Variants in NOX4 observed in about 807,000 individuals in gnomAD.
NOX4 encodes NADPH oxidase 4, also known as kidney oxidase-1.
Under a neutral mutation model 87.6 loss-of-function variants are expected in NOX4, and 69 were observed. The ratio of observed to expected loss-of-function variants is 0.79; its 90% confidence interval spans 0.65 to 0.96. NOX4 has a LOEUF of 0.96. Ranked by LOEUF, NOX4 falls within the 40% of genes least tolerant of loss-of-function variation. The pLI is 0.00. For synonymous variants in NOX4, 275 were observed against 238.2 expected (o/e 1.15, Z -1.42); for missense variants, 680 against 681.5 (o/e 1.00, Z 0.02).
the NOX4 span, among the ~76,000 whole-genome samples, chr11:89,532,828 T>C: frequency 6.6e-6 from 1 of 152,146 alleles, no homozygotes; most frequent in Non-Finnish European, 1.5e-5. Flanking sequence ...CATGACGTTC[T>C]CATGATACTG....
upstream of NOX4, among the ~76,000 whole-genome samples, chr11:89,495,348 CTTTGA>C (rs1356298170): frequency 1.3e-5 from 2 of 151,936 alleles, no homozygotes; most frequent in African/African-American, 4.8e-5. Flanking sequence ...TGCTGACATT[CTTTGA>C]TTTGTGGCTG....
At chr11:89,496,263 A>G (rs553635), upstream of NOX4, among the ~76,000 whole-genome samples, 131,863 of 152,172 alleles carry the variant, frequency 0.87, 57,481 homozygotes, top group Non-Finnish European at 0.92. Context: ...TTCTGAAGAC[A>G]TTGGAGAGGT....
intron 11 of NOX4, among the ~76,000 whole-genome samples, chr11:89,397,899 T>C (rs756348302): frequency 2.3e-4 from 35 of 151,998 alleles, no homozygotes; most frequent in Non-Finnish European, 4.0e-4. Flanking sequence ...AAAGAGGAGC[T>C]GGTACCATTC....
intron 11 of NOX4, among the ~76,000 whole-genome samples, chr11:89,393,661 C>G (rs1309087460): frequency 6.6e-6 from 1 of 152,086 alleles, no homozygotes; most frequent in African/African-American, 2.4e-5. Flanking sequence ...CAAGTATTGA[C>G]CACTAATGAT....
intron 17 of NOX4, 93 bp downstream of exon 17, chr11:89,335,752 T>C: frequency 1.7e-6 from 1 of 586,154 alleles, no homozygotes. Flanking sequence ...GGTAAACTCA[T>C]TGCCAATTCA....
Position 89,348,125 on chromosome 11 carries a change from C to A in NOX4, c.1218-5932G>T, listed in dbSNP as rs960679899. ...GGCCTGTGATAACAAAGTGATAAGA[C>A]CTATGTCTCTGGTCAGGTGTGGTGG... is the stretch of plus-strand genomic sequence containing the variant. On this transcript the variant is annotated intron_variant, in intron 13 of 17. Transcript: ENST00000263317. Among the ~76,000 whole-genome samples, 5 of 152,032 alleles carry A rather than the reference C, an allele frequency of 3.3e-5. No homozygotes were observed. The South Asian group carries it at 6.2e-4, about 19-fold the overall frequency.
the NOX4 span, among the ~76,000 whole-genome samples, chr11:89,528,699 G>A: frequency 1.3e-5 from 2 of 152,114 alleles, no homozygotes; most frequent in African/African-American, 4.8e-5. Context: ...AATTTCCTGA[G>A]GCCTCACCAG....
At chr11:89,426,706 G>C (rs1181464073) in intron 7 of NOX4, among the ~76,000 whole-genome samples, 2 of 152,102 alleles carry the variant, frequency 1.3e-5, no homozygotes, top group African/African-American at 4.8e-5. Flanking sequence ...AGCTTGAGTA[G>C]GTAAACAAAG....
Position 89,325,632 on chromosome 11 carries a change from G to C in NOX4, c.*1124C>G, listed in dbSNP as rs561572749. On this transcript the variant is annotated 3_prime_UTR_variant, in exon 18 of 18. Coordinates refer to ENST00000263317, the MANE Select transcript of NOX4 (RefSeq NM_016931.5). ...ATATCATATTTCCTCTTACTTAAAAGGTAAAATACAGGTTTTACTGTTCAG... is the reference window on the plus strand; with the variant it reads ...ATATCATATTTCCTCTTACTTAAAACGTAAAATACAGGTTTTACTGTTCAG... The C allele has an allele frequency of 6.6e-6, 1 of 151,796 alleles. No individual in the cohort carries two copies. Among genetic ancestry groups the C allele is most frequent in the African/African-American group, 2.4e-5 (1 of 41,322 alleles). 9.4% of individuals were successfully genotyped at this position (151,796 alleles called of 1,614,324 possible).
At chr11:89,438,684 T>C (rs1349040491) in intron 6 of NOX4, among the ~76,000 whole-genome samples, 1 of 79,636 alleles carries the variant, frequency 1.3e-5, no homozygotes, top group Non-Finnish European at 2.2e-5. Flanking sequence ...CTATATATAC[T>C]ATAAATAATA....
intron 12 of NOX4, among the ~76,000 whole-genome samples, chr11:89,362,144 A>G (rs910204029): frequency 2.6e-5 from 4 of 150,958 alleles, no homozygotes; most frequent in Admixed American, 2.0e-4. Flanking sequence ...TTGATCCCTA[A>G]TAAGCATTTT....
chr11:89,446,816 C>T (rs1239829960), intron 4 of NOX4, among the ~76,000 whole-genome samples: 1 of 152,134 alleles, frequency 6.6e-6, no homozygotes, highest in African/African-American at 2.4e-5. Context: ...CACATTTGTG[C>T]AAACCCATAG....
At chr11:89,553,776 A>C in the NOX4 span, among the ~76,000 whole-genome samples, 1 of 152,150 alleles carries the variant, frequency 6.6e-6, no homozygotes, top group Admixed American at 6.6e-5. Flanking sequence ...GTCTTCGAGT[A>C]AGAGGGCTTG....
chr11:89,332,052 AC>A (rs1298092186), intron 17 of NOX4, among the ~76,000 whole-genome samples: 1 of 151,854 alleles, frequency 6.6e-6, no homozygotes, highest in Non-Finnish European at 1.5e-5. Context: ...AGATTCGGGT[AC>A]TAAGAAAATG....
the NOX4 span, among the ~76,000 whole-genome samples, chr11:89,580,987 G>A: frequency 6.6e-6 from 1 of 152,186 alleles, no homozygotes; most frequent in South Asian, 2.1e-4. Context: ...TTGAAAAATG[G>A]AGAGGAAAAG....
the NOX4 span, among the ~76,000 whole-genome samples, chr11:89,563,317 A>G: frequency 6.6e-6 from 1 of 152,178 alleles, no homozygotes; most frequent in Non-Finnish European, 1.5e-5. Context: ...TTAAATTACC[A>G]GAAATTTCCA....
the NOX4 span, among the ~76,000 whole-genome samples, chr11:89,538,191 C>A: frequency 1.3e-5 from 2 of 152,194 alleles, no homozygotes; most frequent in African/African-American, 4.8e-5. Context: ...ATGTGCCAAA[C>A]AACTTCCAAA....
intron 13 of NOX4, among the ~76,000 whole-genome samples, chr11:89,349,053 C>A (rs1322026595): frequency 6.6e-6 from 1 of 152,094 alleles, no homozygotes; most frequent in Non-Finnish European, 1.5e-5. Flanking sequence ...TTTTGGGAGA[C>A]CAAGACGGGT....
chr11:89,536,719 T>C, the NOX4 span, among the ~76,000 whole-genome samples: 7 of 152,152 alleles, frequency 4.6e-5, no homozygotes, highest in Non-Finnish European at 7.3e-5. Context: ...TTATTATGAT[T>C]ATGGCTATGG....
Sources: allele counts gnomAD v4.1 joint callset (sites outside exome capture counted in the v4.1 genomes callset), GRCh38; gene constraint gnomAD v4.1.1; transcripts MANE v1.5; gene names NCBI Gene and HGNC (gene_info 2026-07-23, HGNC 2026-07-21).